The following NBAS variants were observed in gnomAD, a reference collection of about 807,000 sequenced individuals.
The protein encoded by NBAS is NAG/BC035112 fusion.
Under a neutral mutation model 302.5 loss-of-function variants are expected in NBAS, and 219 were observed. That is an observed-to-expected ratio of 0.72 (90% CI 0.65 to 0.81). The LOEUF (loss-of-function observed/expected upper bound fraction) is 0.81. NBAS is among the 30% of genes least tolerant of loss of function. NBAS has a pLI of 0.00. For synonymous variants in NBAS, 1,118 were observed against 1,021.6 expected, an observed-to-expected ratio of 1.09 and a Z score of -1.80; for missense variants, 2,932 against 2,841.6, an observed-to-expected ratio of 1.03 and a Z score of -0.72.
chr2:15,017,228 A>G, the NBAS span, among the ~76,000 whole-genome samples: 1 of 152,142 alleles, frequency 6.6e-6, no homozygotes, highest in Non-Finnish European at 1.5e-5. Context: ...GAAAACATAG[A>G]GGAAATACGT....
At chr2:15,549,387 G>C (rs1450761125) in intron 6 of NBAS, among the ~76,000 whole-genome samples, 1 of 152,124 alleles carries the variant, frequency 6.6e-6, no homozygotes, top group Non-Finnish European at 1.5e-5. Flanking sequence ...AATGTTAAGA[G>C]CCTGAACTAA....
the NBAS span, among the ~76,000 whole-genome samples, chr2:15,122,048 C>T: frequency 2.6e-3 from 392 of 152,104 alleles, 2 homozygotes; most frequent in African/African-American, 8.3e-3. Context: ...CCTAAATCCC[C>T]CTCAAAACAG....
chr2:15,124,898 G>A, the NBAS span, among the ~76,000 whole-genome samples: 1 of 152,174 alleles, frequency 6.6e-6, no homozygotes, highest in Non-Finnish European at 1.5e-5. Flanking sequence ...CAGGGGTGGA[G>A]CCCCCACAGG....
intron 9 of NBAS, among the ~76,000 whole-genome samples, chr2:15,529,580 C>T (rs892069764): frequency 1.3e-5 from 2 of 152,098 alleles, no homozygotes; most frequent in Non-Finnish European, 2.9e-5. Context: ...AACAATAAAA[C>T]GGGATCCCAA....
At chr2:14,974,937 G>A in the NBAS span, among the ~76,000 whole-genome samples, 108 of 152,318 alleles carry the variant, frequency 7.1e-4, no homozygotes, top group Middle Eastern at 0.014. Flanking sequence ...GGGTCAGAGA[G>A]ATTCAAAGCA....
At position 15,326,240 on chromosome 2, in the gene NBAS, T is replaced by C. The variant is rs557096897; in HGVS notation, c.4582+1510A>G. Among the ~76,000 whole-genome samples the C allele has an allele frequency of 9.2e-5, 14 of 152,334 alleles. No individual in the cohort carries two copies. In the South Asian group the frequency reaches 2.9e-3, roughly 32 times the overall value. ...AGCAGTGTTGAAAAAATGGTTCTGA[T>C]AGACTTGCTTGACATAGCGTTGCCA... is the stretch of plus-strand genomic sequence containing the variant. On this transcript the variant is annotated intron_variant, in intron 38 of 51. Coordinates refer to ENST00000281513, the MANE Select transcript of NBAS (RefSeq NM_015909.4).
chr2:15,086,980 C>T, the NBAS span, among the ~76,000 whole-genome samples: 17 of 152,252 alleles, frequency 1.1e-4, no homozygotes, highest in East Asian at 1.9e-4. Context: ...CTCCCCAACA[C>T]GCACACACAC....
chr2:15,210,191 C>A (rs895552586), intron 48 of NBAS, among the ~76,000 whole-genome samples: 2 of 151,954 alleles, frequency 1.3e-5, no homozygotes, highest in Non-Finnish European at 2.9e-5. Flanking sequence ...AGAGACAACA[C>A]ACAGAATGGG....
the NBAS span, among the ~76,000 whole-genome samples, chr2:14,958,028 C>G: frequency 6.6e-6 from 1 of 152,346 alleles, no homozygotes; most frequent in South Asian, 2.1e-4. Flanking sequence ...CATCTATTCT[C>G]TGGCCCTCTG....
the NBAS span, among the ~76,000 whole-genome samples, chr2:14,942,549 C>T: frequency 1.3e-5 from 2 of 152,198 alleles, no homozygotes; most frequent in Non-Finnish European, 2.9e-5. Flanking sequence ...ACTTCCTGTA[C>T]AGCCTGTGGA....
intron 47 of NBAS, among the ~76,000 whole-genome samples, chr2:15,226,748 A>G (rs1010289277): frequency 2.6e-5 from 4 of 152,212 alleles, no homozygotes; most frequent in Admixed American, 6.5e-5. Flanking sequence ...AGAGGAAAAG[A>G]GAGCTTTTTG....
the NBAS span, among the ~76,000 whole-genome samples, chr2:15,028,442 T>C: frequency 6.6e-6 from 1 of 152,230 alleles, no homozygotes. Context: ...ACAACTTTAA[T>C]TGCAAAATCT....
At chr2:15,142,659 G>T in the NBAS span, among the ~76,000 whole-genome samples, 2 of 152,144 alleles carry the variant, frequency 1.3e-5, no homozygotes, top group Non-Finnish European at 2.9e-5. Context: ...CCTGTTCCCC[G>T]AAGGGGCTAT....
chr2:15,248,174 G>C (rs1668192607), intron 44 of NBAS, among the ~76,000 whole-genome samples: 1 of 152,120 alleles, frequency 6.6e-6, no homozygotes, highest in African/African-American at 2.4e-5. Flanking sequence ...CAACTACATG[G>C]AAACAGAACA....
chr2:14,900,953 A>AG, the NBAS span, among the ~76,000 whole-genome samples: 2 of 152,320 alleles, frequency 1.3e-5, no homozygotes, highest in Non-Finnish European at 2.9e-5. Context: ...TTGTAATTCC[A>AG]TATGGCTACG....
chr2:14,783,160 C>T, the NBAS span, among the ~76,000 whole-genome samples: 1 of 152,132 alleles, frequency 6.6e-6, no homozygotes, highest in African/African-American at 2.4e-5. Context: ...ACTGGGTTTT[C>T]CACATTCAAT....
chr2:15,218,740 G>C (rs377380612), intron 48 of NBAS, 33 bp downstream of exon 48: 1 of 1,613,208 alleles, frequency 6.2e-7, no homozygotes, highest in Non-Finnish European at 8.5e-7. Flanking sequence ...ATTATTGTTA[G>C]TAAGAAAAAT....
chr2:15,037,087 G>GATTC, the NBAS span, among the ~76,000 whole-genome samples: 1 of 152,170 alleles, frequency 6.6e-6, no homozygotes, highest in African/African-American at 2.4e-5. Flanking sequence ...TTGGAGCTTA[G>GATTC]ATTCACACGG....
Position 15,287,983 on chromosome 2 carries a change from G to A in NBAS, c.5028-800C>T, listed in dbSNP as rs1008349826. Among the ~76,000 whole-genome samples the A allele has an allele frequency of 4.5e-4, 67 of 150,346 alleles. 1 individual carries two copies. The highest frequency in any genetic ancestry group is 1.5e-3 in the African/African-American group (60 of 40,922). ...CCGAGCACCGTGCGTAGGCAGCCCCGCATGGGCATCCCGAGCACCCAGCGT... is the reference window on the plus strand; with the variant it reads ...CCGAGCACCGTGCGTAGGCAGCCCCACATGGGCATCCCGAGCACCCAGCGT... On this transcript the variant is annotated intron_variant, in intron 41 of 51. Transcript: ENST00000281513.
Sources: gnomAD v4.1 joint callset for allele counts (sites outside exome capture counted in the v4.1 genomes callset) on GRCh38, gnomAD v4.1.1 for gene constraint, MANE v1.5 for transcripts, NCBI Gene and HGNC (gene_info 2026-07-23, HGNC 2026-07-21) for gene names.